NREP: variants seen among roughly 807,000 people sequenced by gnomAD.
NREP encodes neuronal regeneration-related protein.
In NREP, 5 loss-of-function variants were observed where a neutral mutation model predicts 8.6. That is an observed-to-expected ratio of 0.58 (90% CI 0.30 to 1.22). The LOEUF (loss-of-function observed/expected upper bound fraction) is 1.22, where lower values mean the gene tolerates loss of function less well. Among genes scored for constraint, NREP ranks in the 50% most tolerant of loss-of-function variants. The probability of loss-of-function intolerance (pLI) is 0.07; values close to 1 mark genes in which losing one functional copy is unlikely to be tolerated. For missense variants in NREP, 86 were observed against 82.5 expected, an observed-to-expected ratio of 1.04 and a Z score of -0.17; for synonymous variants, 27 against 28.0, an observed-to-expected ratio of 0.96 and a Z score of 0.11.
intron 2 of NREP, among the ~76,000 whole-genome samples, chr5:111,807,672 C>G (rs1261040771): frequency 6.6e-6 from 1 of 151,922 alleles, no homozygotes; most frequent in African/African-American, 2.4e-5. Context: ...AAAAAAAAAC[C>G]AGATTTCAGG....
intron 2 of NREP, among the ~76,000 whole-genome samples, chr5:111,968,227 A>G (rs1465319506): frequency 6.6e-6 from 1 of 152,176 alleles, no homozygotes; most frequent in African/African-American, 2.4e-5. Context: ...TCTTAAAAAA[A>G]AGGTACTTCA....
intron 2 of NREP, among the ~76,000 whole-genome samples, chr5:111,943,332 C>T (rs1290285022): frequency 6.6e-6 from 1 of 152,058 alleles, no homozygotes; most frequent in Admixed American, 6.6e-5. Flanking sequence ...CCTTGATTTT[C>T]CTTGCCTTCT....
At chr5:111,745,230 T>C (rs535452607) in intron 2 of NREP, among the ~76,000 whole-genome samples, 3 of 152,174 alleles carry the variant, frequency 2.0e-5, no homozygotes, top group Non-Finnish European at 1.5e-5. Flanking sequence ...ATTATCATCA[T>C]CGTCACCATT....
upstream of NREP, chr5:111,758,050 C>A: frequency 1.8e-5 from 18 of 985,566 alleles, no homozygotes; most frequent in Non-Finnish European, 1.9e-5. Flanking sequence ...TGCGGCGGCG[C>A]GGAGCCGCGC....
intron 2 of NREP, among the ~76,000 whole-genome samples, chr5:111,894,341 T>C (rs1754459812): frequency 6.6e-6 from 1 of 152,132 alleles, no homozygotes; most frequent in Non-Finnish European, 1.5e-5. Flanking sequence ...AATGTACAAT[T>C]TTATTGTTTT....
intron 2 of NREP, among the ~76,000 whole-genome samples, chr5:111,781,108 G>A (rs1751483416): frequency 6.6e-6 from 1 of 152,102 alleles, no homozygotes; most frequent in African/African-American, 2.4e-5. Flanking sequence ...ATTAAGCCTA[G>A]TACTCATTGG....
intron 2 of NREP, among the ~76,000 whole-genome samples, chr5:111,968,927 G>A (rs1756722749): frequency 6.6e-6 from 1 of 152,174 alleles, no homozygotes; most frequent in African/African-American, 2.4e-5. Flanking sequence ...CACTGCCTCA[G>A]CCAGGTGGAT....
At chr5:111,806,000 T>A (rs1186666971) in intron 2 of NREP, among the ~76,000 whole-genome samples, 1 of 152,210 alleles carries the variant, frequency 6.6e-6, no homozygotes, top group East Asian at 1.9e-4. Flanking sequence ...TGTCAGAGCA[T>A]CTTATTGCAC....
intron 2 of NREP, among the ~76,000 whole-genome samples, chr5:111,921,712 T>C (rs1003228461): frequency 8.5e-5 from 13 of 152,146 alleles, no homozygotes; most frequent in African/African-American, 3.1e-4. Flanking sequence ...TCCCAGCTGA[T>C]ATGGTTTGGC....
intron 2 of NREP, among the ~76,000 whole-genome samples, chr5:111,882,428 T>A (rs1033719685): frequency 1.6e-4 from 24 of 152,192 alleles, no homozygotes; most frequent in African/African-American, 5.8e-4. Context: ...CCAGGAGAAC[T>A]TCCCCAATCT....
At chr5:111,918,640 G>A (rs1007240500) in intron 2 of NREP, among the ~76,000 whole-genome samples, 8 of 152,106 alleles carry the variant, frequency 5.3e-5, no homozygotes, top group East Asian at 3.9e-4. Context: ...AATGGTGTTG[G>A]GAAAACTGGC....
intron 2 of NREP, among the ~76,000 whole-genome samples, chr5:111,947,006 A>G (rs1756005906): frequency 6.6e-6 from 1 of 152,132 alleles, no homozygotes; most frequent in Non-Finnish European, 1.5e-5. Flanking sequence ...AGCATAATTT[A>G]GTTAATGAGT....
chr5:111,915,403 C>A (rs1221406376), intron 2 of NREP, among the ~76,000 whole-genome samples: 1 of 151,958 alleles, frequency 6.6e-6, no homozygotes, highest in African/African-American at 2.4e-5. Flanking sequence ...GGGAACCTGA[C>A]CTAAGATACC....
chr5:111,933,845 G>A (rs544691117), intron 2 of NREP, among the ~76,000 whole-genome samples: 1 of 152,184 alleles, frequency 6.6e-6, no homozygotes, highest in East Asian at 1.9e-4. Flanking sequence ...CCAGAAGCTA[G>A]GGAGGACTTA....
At chr5:111,963,807 A>G (rs1381121005) in intron 2 of NREP, among the ~76,000 whole-genome samples, 2 of 152,246 alleles carry the variant, frequency 1.3e-5, no homozygotes, top group African/African-American at 4.8e-5. Context: ...GCCATGGTCA[A>G]AACAAGAAAA....
intron 2 of NREP, among the ~76,000 whole-genome samples, chr5:111,961,652 C>G (rs1230576718): frequency 1.3e-5 from 2 of 152,152 alleles, no homozygotes; most frequent in Non-Finnish European, 2.9e-5. Flanking sequence ...TTATGGATTT[C>G]AAGTGACCCT....
chr5:111,782,350 C>A (rs1413502829), intron 2 of NREP, among the ~76,000 whole-genome samples: 1 of 152,134 alleles, frequency 6.6e-6, no homozygotes, highest in African/African-American at 2.4e-5. Context: ...ATGTCCTAAC[C>A]TAAAGCACTT....
At chr5:111,872,766 C>A (rs1430770212) in intron 2 of NREP, among the ~76,000 whole-genome samples, 1 of 152,134 alleles carries the variant, frequency 6.6e-6, no homozygotes, top group Non-Finnish European at 1.5e-5. Context: ...GTATTTGTGA[C>A]AGAATTTGAA....
chr5:111,778,642 A>G lies in NREP; in HGVS notation c.136-43135T>C, dbSNP rs1035271240. ...AATGTATTTCACTCCATTTCTTGGA[A>G]TGGGCACATATTTTTCAGTATTGCT... On this transcript the variant is annotated intron_variant, in intron 2 of 3. Coordinates refer to the NREP transcript ENST00000395634. Among the ~76,000 whole-genome samples the G allele has an allele frequency of 8.6e-5, 13 of 151,892 alleles. 1 individual carries two copies. Among genetic ancestry groups the G allele is most frequent in the African/African-American group, 3.1e-4 (13 of 41,390 alleles).
Sources: gnomAD v4.1 joint callset for allele counts (sites outside exome capture counted in the v4.1 genomes callset) on GRCh38, gnomAD v4.1.1 for gene constraint, MANE v1.5 for transcripts, NCBI Gene and HGNC (gene_info 2026-07-23, HGNC 2026-07-21) for gene names.